LRRC4C: variants seen among roughly 807,000 people sequenced by gnomAD.
LRRC4C encodes the protein leucine-rich repeat-containing protein 4C.
Under a neutral mutation model 33.6 loss-of-function variants are expected in LRRC4C, and 5 were observed. The observed-to-expected ratio is 0.15, with a 90% CI of 0.08 to 0.31. LRRC4C has a LOEUF of 0.31. LRRC4C is among the 10% of genes least tolerant of loss of function. The pLI is 1.00. For synonymous variants in LRRC4C, 329 were observed against 302.0 expected (o/e 1.09, Z -0.93); for missense variants, 560 against 796.7 (o/e 0.70, Z 3.58).
At chr11:40,608,738 G>T (rs918518144) in intron 3 of LRRC4C, among the ~76,000 whole-genome samples, 2 of 151,990 alleles carry the variant, frequency 1.3e-5, no homozygotes, top group African/African-American at 4.8e-5. Flanking sequence ...CAATGAAAAA[G>T]ATATTCCATG....
chr11:40,688,859 C>G (rs1945092471), intron 2 of LRRC4C, among the ~76,000 whole-genome samples: 1 of 151,992 alleles, frequency 6.6e-6, no homozygotes, highest in Non-Finnish European at 1.5e-5. Flanking sequence ...ACTTGCAAAC[C>G]AGCTGGTGGA....
chr11:40,984,964 C>A (rs190680220), intron 1 of LRRC4C, among the ~76,000 whole-genome samples: 4 of 121,884 alleles, frequency 3.3e-5, no homozygotes, highest in African/African-American at 1.3e-4. Context: ...TGCAGTGGTG[C>A]GATCTCGGCT....
At chr11:40,379,291 A>G (rs994425998) in intron 3 of LRRC4C, among the ~76,000 whole-genome samples, 1 of 151,956 alleles carries the variant, frequency 6.6e-6, no homozygotes, top group Non-Finnish European at 1.5e-5. Flanking sequence ...TAAAATATAA[A>G]ATTATTTTTT....
chr11:41,028,501 T>A (rs1477464216), intron 1 of LRRC4C, among the ~76,000 whole-genome samples: 1 of 151,562 alleles, frequency 6.6e-6, no homozygotes, highest in Non-Finnish European at 1.5e-5. Context: ...AGCTTCTCTC[T>A]CACTTAAATT....
rs548063889 is a variant in LRRC4C, at chr11:41,446,017, A to G, written c.-496+13414T>C. Among the ~76,000 whole-genome samples the G allele has an allele frequency of 2.0e-5, 3 of 152,312 alleles. No individual in the cohort carries two copies. The East Asian group carries it at 5.8e-4, about 29-fold the overall frequency. On this transcript the variant is annotated intron_variant, in intron 1 of 6. Transcript: ENST00000528697. Reference sequence around the variant, plus strand: ...CAGTGTCAGACACATAGTAGGTTCTACACATTTATTTGTTGAATAAAAAAA... The same window carrying G: ...CAGTGTCAGACACATAGTAGGTTCTGCACATTTATTTGTTGAATAAAAAAA...
chr11:40,912,161 G>T (rs1290317312), intron 2 of LRRC4C, among the ~76,000 whole-genome samples: 1 of 152,134 alleles, frequency 6.6e-6, no homozygotes, highest in Non-Finnish European at 1.5e-5. Context: ...ATCTAGCAAG[G>T]CAGGCCAACG....
chr11:41,064,687 G>A (rs1352110177), intron 1 of LRRC4C, among the ~76,000 whole-genome samples: 2 of 152,316 alleles, frequency 1.3e-5, no homozygotes, highest in East Asian at 1.9e-4. Context: ...GACCAATGCA[G>A]AAGGCGGGTG....
chr11:41,190,891 G>A (rs1945915286), intron 1 of LRRC4C, among the ~76,000 whole-genome samples: 1 of 152,150 alleles, frequency 6.6e-6, no homozygotes, highest in Admixed American at 6.6e-5. Context: ...AGAAATTAAT[G>A]TCTCTCGCTA....
chr11:40,174,649 A>G (rs577055262), intron 5 of LRRC4C, among the ~76,000 whole-genome samples: 1 of 152,286 alleles, frequency 6.6e-6, no homozygotes, highest in East Asian at 1.9e-4. Context: ...TTGGTTTTTT[A>G]ACATTTGTTT....
intron 1 of LRRC4C, among the ~76,000 whole-genome samples, chr11:41,120,577 G>A (rs1347793423): frequency 6.6e-6 from 1 of 152,124 alleles, no homozygotes; most frequent in African/African-American, 2.4e-5. Flanking sequence ...TTTGACAGTG[G>A]CTATATTACT....
intron 2 of LRRC4C, among the ~76,000 whole-genome samples, chr11:40,898,744 T>A (rs1451577493): frequency 1.3e-5 from 2 of 151,404 alleles, no homozygotes; most frequent in African/African-American, 2.4e-5. Context: ...ATTTTATAAG[T>A]TTTAAAAATT....
intron 4 of LRRC4C, among the ~76,000 whole-genome samples, chr11:40,290,292 A>T (rs1944104472): frequency 6.6e-6 from 1 of 152,190 alleles, no homozygotes; most frequent in Non-Finnish European, 1.5e-5. Context: ...CAAATAAGCA[A>T]ACGAATGCAA....
chr11:40,243,713 A>G (rs10837370), intron 4 of LRRC4C, among the ~76,000 whole-genome samples: 103,322 of 136,522 alleles, frequency 0.76, 42,421 homozygotes, highest in East Asian at 0.95. Flanking sequence ...TTTTTGAGAC[A>G]GAGTCTCACT....
At chr11:40,348,600 A>G (rs7932379) in intron 3 of LRRC4C, among the ~76,000 whole-genome samples, 38,389 of 152,038 alleles carry the variant, frequency 0.25, 5,756 homozygotes, top group Non-Finnish European at 0.32. Flanking sequence ...CATGACCTGC[A>G]TGCCTACCTC....
chr11:40,167,003 A>C (rs1417855054), intron 5 of LRRC4C, among the ~76,000 whole-genome samples: 2 of 152,172 alleles, frequency 1.3e-5, no homozygotes. Flanking sequence ...GATTATGACC[A>C]GCATTGATTC....
intron 1 of LRRC4C, among the ~76,000 whole-genome samples, chr11:41,456,375 G>C (rs1442126859): frequency 6.6e-6 from 1 of 151,434 alleles, no homozygotes; most frequent in Middle Eastern, 3.4e-3. Context: ...GATGTTCCTG[G>C]CTTTTTTTTT....
intron 1 of LRRC4C, among the ~76,000 whole-genome samples, chr11:41,290,561 G>C (rs554612903): frequency 3.3e-5 from 5 of 152,108 alleles, no homozygotes; most frequent in Non-Finnish European, 5.9e-5. Context: ...ATCAAGATGT[G>C]TTCCAAGTTC....
chr11:41,458,825 G>A (rs1425668603), intron 1 of LRRC4C, among the ~76,000 whole-genome samples: 4 of 152,104 alleles, frequency 2.6e-5, no homozygotes, highest in African/African-American at 9.7e-5. Context: ...AGTGCAAAAA[G>A]AGAGAGGTTC....
intron 5 of LRRC4C, among the ~76,000 whole-genome samples, chr11:40,231,251 G>A (rs973664747): frequency 4.6e-5 from 7 of 152,114 alleles, no homozygotes; most frequent in African/African-American, 1.7e-4. Context: ...TAGCATTCAC[G>A]TTCAGATTTA....
Sources: allele counts gnomAD v4.1 joint callset (sites outside exome capture counted in the v4.1 genomes callset), GRCh38; gene constraint gnomAD v4.1.1; transcripts MANE v1.5; gene names NCBI Gene and HGNC (gene_info 2026-07-23, HGNC 2026-07-21).